UCKL1: variants seen among roughly 807,000 people sequenced by gnomAD.
The protein encoded by UCKL1 is uridine-cytidine kinase 1 like 1.
In UCKL1, 65 loss-of-function variants were observed where a neutral mutation model predicts 59.2. The observed-to-expected ratio is 1.10, with a 90% CI of 0.90 to 1.35. UCKL1 has a LOEUF of 1.35. Ranked by LOEUF, UCKL1 falls within the 40% of genes most tolerant of loss-of-function variation. The probability of loss-of-function intolerance (pLI) is 0.00; values close to 1 mark genes in which losing one functional copy is unlikely to be tolerated. For synonymous variants in UCKL1, 410 were observed against 323.1 expected (o/e 1.27, Z -2.88); for missense variants, 703 against 784.3 (o/e 0.90, Z 1.24).
chr20:63,940,415 G>A lies in UCKL1; in HGVS notation c.1373C>T (p.Thr458Met), dbSNP rs950634099. The change falls in exon 13 of 15, where the codon ACG (threonine) becomes ATG (methionine). Residue 458 changes from threonine (T) to methionine (M), a missense_variant. By Grantham distance (81) the Thr-to-Met change is moderately conservative. This residue lies in a region of UCKL1 where 124 missense variants were observed against 161.1 expected (regional missense o/e 0.77). Coordinates refer to ENST00000354216, the MANE Select transcript of UCKL1 (RefSeq NM_017859.4). ...CACTGCCATCATGGCCGCCGCGCCC[G>A]TGGACACGGTGCAGTCCATGAGGAT... ...HVILMDCTVS[T>M]GAAAMMAVRV... 4 of 1,611,804 alleles carry A rather than the reference G, an allele frequency of 2.5e-6. No individual in the cohort carries two copies. Among genetic ancestry groups the A allele is most frequent in the African/African-American group, 1.3e-5 (1 of 74,924 alleles).
intron 8 of UCKL1, chr20:63,942,414 G>A: frequency 2.6e-6 from 3 of 1,173,560 alleles, no homozygotes; most frequent in East Asian, 6.6e-5. Flanking sequence ...GAGCAGCGGG[G>A]CAAGGGGCTA....
chr20:63,943,845 T>C (rs2055376075), intron 7 of UCKL1, among the ~76,000 whole-genome samples, 176 bp from the exon 8 acceptor site: 1 of 152,184 alleles, frequency 6.6e-6, no homozygotes, highest in Non-Finnish European at 1.5e-5. Context: ...GGGCCAGACC[T>C]GCAGTTCTGC....
intron 1 of UCKL1, among the ~76,000 whole-genome samples, chr20:63,950,400 C>T (rs945330552): frequency 3.3e-5 from 5 of 152,100 alleles, no homozygotes; most frequent in East Asian, 1.9e-4. Context: ...CATGGTGAGA[C>T]GGTCTCCACA....
intron 1 of UCKL1, chr20:63,950,882 C>T (rs759577179): frequency 2.2e-5 from 32 of 1,440,558 alleles, no homozygotes; most frequent in African/African-American, 2.9e-5. Context: ...GGGGTGGATG[C>T]GTGGGGGCTC....
Position 63,939,856 on chromosome 20 carries a change from T to C in UCKL1, c.*120A>G, listed in dbSNP as rs2053881366. The C allele has an allele frequency of 1.1e-6, 1 of 913,426 alleles. No homozygotes were observed. The highest frequency in any genetic ancestry group is 1.7e-5 in the South Asian group (1 of 57,856). 56.6% of individuals were successfully genotyped at this position (913,426 alleles called of 1,614,324 possible). ...CATTTTTCTAAAGCTTTATTTATTT[T>C]ATAAAATGCATAGAATAAATTATAC... On this transcript the variant is annotated 3_prime_UTR_variant, in exon 15 of 15. Transcript: ENST00000354216.
chr20:63,947,816 G>A (rs866712304), intron 1 of UCKL1, among the ~76,000 whole-genome samples: 18 of 152,242 alleles, frequency 1.2e-4, no homozygotes. Context: ...ACGGGAGGAA[G>A]ACACAGGCCT....
intron 10 of UCKL1, 46 bp from the exon 11 acceptor site, chr20:63,940,902 A>C (rs1381667135): frequency 6.6e-7 from 1 of 1,522,214 alleles, no homozygotes. Flanking sequence ...GGGAGCTCGC[A>C]CCGGCTCCAA....
Position 63,942,544 on chromosome 20 carries a change from T to C in UCKL1, c.923+1109A>G, listed in dbSNP as rs1218412480. ...GAGGGAACAAGGCAGGAAACGGGGG[T>C]TTACAGAGAGAAGGAAGAGAACAAA... On this transcript the variant is annotated intron_variant, in intron 8 of 14. Transcript: ENST00000354216. The C allele has an allele frequency of 2.8e-6, 3 of 1,073,984 alleles. No individual in the cohort carries two copies. The African/African-American group carries it at 5.1e-5, about 18-fold the overall frequency. The allele number at this position is 1,073,984 out of a possible 1,614,324, so 66.5% of individuals were successfully genotyped here.
intron 8 of UCKL1, chr20:63,941,744 G>A: frequency 4.7e-6 from 1 of 215,002 alleles, no homozygotes. Flanking sequence ...GCCTGGGGAT[G>A]GCCGGGGCAG....
intron 4 of UCKL1, 23 bp from the exon 5 acceptor site, chr20:63,945,745 C>T (rs754403943): frequency 1.5e-4 from 238 of 1,612,764 alleles, no homozygotes; most frequent in Middle Eastern, 3.3e-4. Context: ...CCAGGAGTTG[C>T]GGAGCCTGGC....
intron 1 of UCKL1, among the ~76,000 whole-genome samples, chr20:63,949,304 C>T (rs1028803661): frequency 7.9e-5 from 12 of 152,190 alleles, no homozygotes; most frequent in Admixed American, 2.0e-4. Flanking sequence ...CGGGGGACAG[C>T]ACCACTGCAC....
In UCKL1 at chr20:63,946,060, A is replaced by G. The variant is rs2056099324; in HGVS notation, c.412-85T>C. 8.7e-6 allele frequency: 14 copies of G among 1,608,908 alleles called. No individual in the cohort carries two copies. The East Asian group carries it at 8.9e-5, about 10-fold the overall frequency. On this transcript the variant is annotated intron_variant, in intron 3 of 14. Transcript: ENST00000354216. ...GGACAGGGGCTCTAGGCCTCCCAGG[A>G]GCAGCCACGCTGGGGCTGAGACCAG... is the stretch of plus-strand genomic sequence containing the variant.
At chr20:63,949,194 TCGGCTC>T (rs1280623931) in intron 1 of UCKL1, among the ~76,000 whole-genome samples, 3 of 152,108 alleles carry the variant, frequency 2.0e-5, no homozygotes, top group Admixed American at 2.0e-4. Flanking sequence ...CAGCCTCACC[TCGGCTC>T]CGGAGATCGT....
chr20:63,945,986 A>AGGCTGTGGAGC lies in UCKL1; in HGVS notation c.412-22_412-12dup. ...CTGCTCAGTCAGCACCTGGTGGGGG[A>AGGCTGTGGAGC]GGCTGTGGAGCAGCTGTGGGCACAG... On this transcript the variant is annotated splice_polypyrimidine_tract_variant and intron_variant, in intron 3 of 14. Coordinates refer to ENST00000354216, the MANE Select transcript of UCKL1 (RefSeq NM_017859.4). 1 of 1,613,410 alleles carries AGGCTGTGGAGC rather than the reference A, an allele frequency of 6.2e-7. No homozygotes were observed. The highest frequency in any genetic ancestry group is 1.7e-5 in the Admixed American group (1 of 59,992).
Position 63,940,869 on chromosome 20 carries a change from G to A in UCKL1, c.1117-13C>T. 1 of 1,531,918 alleles carries A rather than the reference G, an allele frequency of 6.5e-7. No homozygotes were observed. The highest frequency in any genetic ancestry group is 8.8e-7 in the Non-Finnish European group (1 of 1,138,838). The allele number at this position is 1,531,918 out of a possible 1,614,324, so 94.9% of individuals were successfully genotyped here. ...GTACGACGCAGTCCTGTGGGGTGCA[G>A]GGTGAGGACTCCGGTGAGCGCAGGG... On this transcript the variant is annotated splice_polypyrimidine_tract_variant and intron_variant, in intron 10 of 14. Coordinates refer to ENST00000354216, the MANE Select transcript of UCKL1 (RefSeq NM_017859.4).
chr20:63,950,895 G>A, intron 1 of UCKL1: 1 of 1,425,884 alleles, frequency 7.0e-7, no homozygotes, highest in African/African-American at 1.5e-5. Flanking sequence ...GGGGGCTCAG[G>A]CGCAGGCAGC....
At chr20:63,941,445 G>C in intron 8 of UCKL1, 1 of 602,460 alleles carries the variant, frequency 1.7e-6, no homozygotes, top group Admixed American at 3.1e-5. Context: ...CCATCAGGCA[G>C]AAAGCTAGCG....
intron 4 of UCKL1, 33 bp from the exon 5 acceptor site, chr20:63,945,755 C>G: frequency 7.4e-6 from 12 of 1,612,796 alleles, no homozygotes; most frequent in Non-Finnish European, 1.0e-5. Flanking sequence ...CGGAGCCTGG[C>G]TCATGTGCCT....
chr20:63,944,212 A>C (rs768698857), intron 7 of UCKL1, among the ~76,000 whole-genome samples, 185 bp downstream of exon 7: 8 of 152,202 alleles, frequency 5.3e-5, no homozygotes, highest in Non-Finnish European at 1.0e-4. Flanking sequence ...TGCACAGCAC[A>C]ACGGGATGGG....
Sources: allele counts gnomAD v4.1 joint callset (sites outside exome capture counted in the v4.1 genomes callset), GRCh38; gene constraint gnomAD v4.1.1; regional missense constraint gnomAD v4.1.1; transcripts MANE v1.5; gene names NCBI Gene and HGNC (gene_info 2026-07-23, HGNC 2026-07-21).